ADAMTS6: variants seen among roughly 807,000 people sequenced by gnomAD.
The protein encoded by ADAMTS6 is ADAM metallopeptidase with thrombospondin type 1 motif 6.
ADAMTS6 carries 23 observed loss-of-function variants against 144.3 expected under a neutral mutation model. The ratio of observed to expected loss-of-function variants is 0.16; its 90% CI spans 0.11 to 0.23. The LOEUF (loss-of-function observed/expected upper bound fraction) is 0.23, where lower values mean the gene tolerates loss of function less well. Ranked by LOEUF, ADAMTS6 falls within the 10% of genes least tolerant of loss-of-function variation. The probability of loss-of-function intolerance (pLI) is 1.00; values close to 1 mark genes in which losing one functional copy is unlikely to be tolerated. For synonymous variants in ADAMTS6, 444 were observed against 457.5 expected (o/e 0.97, Z 0.38); for missense variants, 999 against 1,379.6 (o/e 0.72, Z 4.37).
At chr5:65,383,168 C>T (rs1019579993) in intron 7 of ADAMTS6, among the ~76,000 whole-genome samples, 5 of 152,112 alleles carry the variant, frequency 3.3e-5, no homozygotes, top group African/African-American at 9.7e-5. Flanking sequence ...CCATAATATA[C>T]ACTTTTTGCT....
chr5:65,458,093 A>G (rs1759361648), intron 4 of ADAMTS6, among the ~76,000 whole-genome samples: 1 of 152,058 alleles, frequency 6.6e-6, no homozygotes, highest in Non-Finnish European at 1.5e-5. Context: ...AATATAAGAT[A>G]AACTTATTTC....
At chr5:65,216,946 C>T (rs16893543) in intron 18 of ADAMTS6, among the ~76,000 whole-genome samples, 42,444 of 151,978 alleles carry the variant, frequency 0.28, 6,371 homozygotes, top group African/African-American at 0.39. Flanking sequence ...AACTTTGATT[C>T]GTCAGACCTG....
intron 9 of ADAMTS6, among the ~76,000 whole-genome samples, chr5:65,326,220 T>C (rs1361785345): frequency 5.3e-5 from 8 of 152,168 alleles, no homozygotes; most frequent in Non-Finnish European, 1.2e-4. Context: ...TCTTTGACAT[T>C]ATAATCTTTT....
chr5:65,351,320 T>C (rs557392573), intron 7 of ADAMTS6, among the ~76,000 whole-genome samples: 12 of 152,340 alleles, frequency 7.9e-5, no homozygotes, highest in Middle Eastern at 6.8e-3. Context: ...TCAAGTGACA[T>C]TGACTGTCTC....
At chr5:65,253,404 A>G (rs1377214477) in intron 14 of ADAMTS6, among the ~76,000 whole-genome samples, 1 of 152,180 alleles carries the variant, frequency 6.6e-6, no homozygotes, top group Admixed American at 6.5e-5. Flanking sequence ...GTTTCAAGAA[A>G]AGTTTTGGGA....
intron 7 of ADAMTS6, among the ~76,000 whole-genome samples, chr5:65,433,082 T>C (rs1757116348): frequency 6.6e-6 from 1 of 152,166 alleles, no homozygotes; most frequent in Admixed American, 6.6e-5. Context: ...TGCCTTCTTC[T>C]TGAGCAGGCA....
At chr5:65,304,476 A>C (rs574405376) in intron 9 of ADAMTS6, among the ~76,000 whole-genome samples, 7 of 152,342 alleles carry the variant, frequency 4.6e-5, no homozygotes, top group Non-Finnish European at 8.8e-5. Context: ...TCTGTCACCA[A>C]GGCTGGAGTG....
Position 65,151,814 on chromosome 5 carries a change from A to ACT in ADAMTS6, c.*20_*21dup. On this transcript the variant is annotated 3_prime_UTR_variant, in exon 25 of 25. Transcript: ENST00000381055. ...CATTTCCATGATGAAATGACAAGGCACTCTCTCTGGCTTTCTGTGGGTCAG... is the reference window on the plus strand; with the variant it reads ...CATTTCCATGATGAAATGACAAGGCACTCTCTCTCTGGCTTTCTGTGGGTCAG... 1 of 1,590,054 alleles carries ACT rather than the reference A, an allele frequency of 6.3e-7. No homozygotes were observed. The highest frequency in any genetic ancestry group is 8.6e-7 in the Non-Finnish European group (1 of 1,159,872).
intron 7 of ADAMTS6, among the ~76,000 whole-genome samples, chr5:65,408,697 T>C (rs147778966): frequency 0.016 from 2,370 of 152,298 alleles, 31 homozygotes; most frequent in Non-Finnish European, 0.023. Flanking sequence ...AGAAGATACA[T>C]TCTTCTCAGC....
At chr5:65,282,086 G>A (rs1763031857) in intron 11 of ADAMTS6, among the ~76,000 whole-genome samples, 1 of 152,084 alleles carries the variant, frequency 6.6e-6, no homozygotes, top group Non-Finnish European at 1.5e-5. Context: ...AGAAAATGGT[G>A]TCTTTATTGT....
chr5:65,388,999 A>G (rs1580572707), intron 7 of ADAMTS6, among the ~76,000 whole-genome samples: 7 of 152,156 alleles, frequency 4.6e-5, no homozygotes, highest in Non-Finnish European at 1.5e-5. Flanking sequence ...CGAGGTCAGG[A>G]GATCGAGACC....
rs767334616 is a variant in ADAMTS6 at position 65,214,670 on chromosome 5, C to T, written c.2575+124G>A. On this transcript the variant is annotated intron_variant, in intron 20 of 24. Coordinates refer to ENST00000381055, the MANE Select transcript of ADAMTS6 (RefSeq NM_197941.4). This position sits in a 1 kb window ranked among gnomAD's most constrained non-coding sequence, Gnocchi z 4.6. ...AAGCAAAGTTTCTTTTGCTAAATTA[C>T]AGCTTGAAGCAAACCTGCAAGAAAT... The T allele has an allele frequency of 7.1e-7, 1 of 1,405,170 alleles. No individual in the cohort carries two copies. The highest frequency in any genetic ancestry group is 9.9e-7 in the Non-Finnish European group (1 of 1,008,472). The allele number at this position is 1,405,170 out of a possible 1,614,324, so 87.0% of individuals were successfully genotyped here.
intron 11 of ADAMTS6, among the ~76,000 whole-genome samples, chr5:65,283,319 G>A (rs974554826): frequency 1.3e-5 from 2 of 151,888 alleles, no homozygotes; most frequent in Admixed American, 1.3e-4. Context: ...TATGTTACGG[G>A]TAATGGGAAA....
intron 10 of ADAMTS6, among the ~76,000 whole-genome samples, chr5:65,295,873 C>T (rs1056928762): frequency 6.6e-6 from 1 of 152,020 alleles, no homozygotes; most frequent in Non-Finnish European, 1.5e-5. Flanking sequence ...ATGAATTCTA[C>T]TTCTAATTTA....
intron 22 of ADAMTS6, among the ~76,000 whole-genome samples, chr5:65,174,136 C>T (rs747779124): frequency 8.6e-5 from 13 of 152,046 alleles, no homozygotes; most frequent in Non-Finnish European, 1.5e-4. Flanking sequence ...AGATCTCCTA[C>T]AGGAACTACA....
chr5:65,406,205 G>A (rs994228699), intron 7 of ADAMTS6, among the ~76,000 whole-genome samples: 9 of 152,174 alleles, frequency 5.9e-5, no homozygotes, highest in African/African-American at 2.2e-4. Flanking sequence ...TGGTGAGAGA[G>A]GGCATCCTTG....
chr5:65,475,848 A>G (rs1233589753), intron 1 of ADAMTS6, among the ~76,000 whole-genome samples: 2 of 152,194 alleles, frequency 1.3e-5, no homozygotes, highest in Non-Finnish European at 2.9e-5. Context: ...ACTTTAATAC[A>G]TATTGCTTCT....
chr5:65,408,719 C>T (rs1166723122), intron 7 of ADAMTS6, among the ~76,000 whole-genome samples: 2 of 152,174 alleles, frequency 1.3e-5, no homozygotes, highest in Admixed American at 1.3e-4. Flanking sequence ...ACATATCGCA[C>T]TTATTCCAAA....
rs112790734 is a variant in ADAMTS6 at position 65,344,520 on chromosome 5, G to A, written c.1074-10435C>T. Among the ~76,000 whole-genome samples the A allele has an allele frequency of 5.1e-3, 776 of 151,824 alleles. 10 individuals are homozygous for A. Among genetic ancestry groups the A allele is most frequent in the African/African-American group, 0.016 (661 of 41,498 alleles). ...TTTAATGGCTTTATCATATTTTACCGTATGGATGTAGAAAAGTGTAATTGA... is the reference window on the plus strand; with the variant it reads ...TTTAATGGCTTTATCATATTTTACCATATGGATGTAGAAAAGTGTAATTGA... On this transcript the variant is annotated intron_variant, in intron 7 of 24. Transcript: ENST00000381055.
Sources: allele counts gnomAD v4.1 joint callset (sites outside exome capture counted in the v4.1 genomes callset), GRCh38; gene constraint gnomAD v4.1.1; non-coding constraint Gnocchi (gnomAD v3.1); transcripts MANE v1.5; gene names NCBI Gene and HGNC (gene_info 2026-07-23, HGNC 2026-07-21).